The following FOXP2 variants were observed in gnomAD, a reference collection of about 807,000 sequenced individuals.
FOXP2 encodes the protein forkhead box protein P2.
FOXP2 carries 12 observed loss-of-function variants against 115.8 expected under a neutral mutation model. That is an observed-to-expected ratio of 0.10 (90% CI 0.07 to 0.17). FOXP2 has a LOEUF of 0.17. FOXP2 is among the 10% of genes least tolerant of loss of function. The probability of loss-of-function intolerance (pLI) is 1.00; values close to 1 mark genes in which losing one functional copy is unlikely to be tolerated. For missense variants in FOXP2, 629 were observed against 843.5 expected, an observed-to-expected ratio of 0.75 and a Z score of 3.15; for synonymous variants, 328 against 297.7, an observed-to-expected ratio of 1.10 and a Z score of -1.05.
chr7:114,130,875 A>G (rs916100505), intron 1 of FOXP2, among the ~76,000 whole-genome samples: 7 of 152,200 alleles, frequency 4.6e-5, no homozygotes, highest in African/African-American at 1.4e-4. Flanking sequence ...ATGCCAGATC[A>G]TTATAAGCTT....
chr7:114,337,456 AT>A (rs1198460302), intron 2 of FOXP2, among the ~76,000 whole-genome samples: 23 of 151,202 alleles, frequency 1.5e-4, no homozygotes, highest in Non-Finnish European at 2.1e-4. Context: ...AAAATTTTGG[AT>A]TTTTATGCTG....
intron 1 of FOXP2, among the ~76,000 whole-genome samples, chr7:114,205,855 A>C (rs565694551): frequency 6.6e-6 from 1 of 152,160 alleles, no homozygotes. Flanking sequence ...TCTCTCTTCA[A>C]CTTAGTAGCT....
At chr7:114,223,323 T>G (rs1022528798) in intron 1 of FOXP2, among the ~76,000 whole-genome samples, 1 of 151,880 alleles carries the variant, frequency 6.6e-6, no homozygotes, top group Non-Finnish European at 1.5e-5. Flanking sequence ...CTCACAATGG[T>G]CTTAAGTTGC....
intron 1 of FOXP2, among the ~76,000 whole-genome samples, chr7:114,176,334 C>CTT (rs1793309084): frequency 7.7e-6 from 1 of 129,762 alleles, no homozygotes; most frequent in African/African-American, 2.9e-5. Flanking sequence ...CTTTTTCTTT[C>CTT]TTTCTCTCTC....
At chr7:114,417,438 G>T (rs1793399336) in intron 1 of FOXP2, among the ~76,000 whole-genome samples, 1 of 151,856 alleles carries the variant, frequency 6.6e-6, no homozygotes, top group Admixed American at 6.6e-5. Flanking sequence ...TTCATTAGCA[G>T]AATTGGGTAT....
At chr7:114,505,745 G>C (rs1238686793) in intron 2 of FOXP2, among the ~76,000 whole-genome samples, 1 of 151,464 alleles carries the variant, frequency 6.6e-6, no homozygotes, top group Non-Finnish European at 1.5e-5. Flanking sequence ...TAGGGTTTTT[G>C]TGTGTTCAGA....
At chr7:114,142,978 C>T (rs1454426222) in intron 1 of FOXP2, among the ~76,000 whole-genome samples, 1 of 151,726 alleles carries the variant, frequency 6.6e-6, no homozygotes, top group African/African-American at 2.4e-5. Flanking sequence ...CGAAACCTGT[C>T]TCTACAGAAG....
intron 1 of FOXP2, among the ~76,000 whole-genome samples, chr7:114,269,037 T>A (rs1002900311): frequency 1.1e-4 from 16 of 152,176 alleles, no homozygotes; most frequent in African/African-American, 3.9e-4. Context: ...ATAAAGACAT[T>A]TTCTTTGTTT....
intron 1 of FOXP2, among the ~76,000 whole-genome samples, chr7:114,245,161 G>A (rs1795249931): frequency 6.6e-6 from 1 of 151,638 alleles, no homozygotes; most frequent in African/African-American, 2.4e-5. Context: ...TACCCTCTTG[G>A]TCCAGTTTAA....
intron 16 of FOXP2, 123 bp downstream of exon 16, chr7:114,664,559 A>G: frequency 8.7e-7 from 1 of 1,150,634 alleles, no homozygotes; most frequent in Non-Finnish European, 1.2e-6. Context: ...GTGGAGTTAA[A>G]TTATACCACG....
chr7:114,239,088 G>A (rs1795087002), intron 1 of FOXP2, among the ~76,000 whole-genome samples: 1 of 151,666 alleles, frequency 6.6e-6, no homozygotes, highest in South Asian at 2.1e-4. Context: ...CAAAAATTTA[G>A]TATTTAATAA....
At chr7:114,542,660 A>C (rs1385045404) in intron 3 of FOXP2, among the ~76,000 whole-genome samples, 1 of 152,170 alleles carries the variant, frequency 6.6e-6, no homozygotes, top group Non-Finnish European at 1.5e-5. Flanking sequence ...GTTGTATTAA[A>C]TGGTCAGTTC....
At chr7:114,598,857 TA>T (rs1451405943) in intron 3 of FOXP2, among the ~76,000 whole-genome samples, 1 of 152,146 alleles carries the variant, frequency 6.6e-6, no homozygotes, top group Admixed American at 6.6e-5. Context: ...ATTCAGATTG[TA>T]AAATAGAACA....
At chr7:114,165,864 A>T (rs1051161032) in intron 1 of FOXP2, among the ~76,000 whole-genome samples, 4 of 152,234 alleles carry the variant, frequency 2.6e-5, no homozygotes, top group Non-Finnish European at 4.4e-5. Flanking sequence ...CAACTTTAAG[A>T]CTTAGTATAA....
At chr7:114,532,931 T>C (rs1337941063) in intron 2 of FOXP2, among the ~76,000 whole-genome samples, 1 of 151,986 alleles carries the variant, frequency 6.6e-6, no homozygotes, top group Non-Finnish European at 1.5e-5. Flanking sequence ...AGAGGAAAGA[T>C]ATATTATTTA....
intron 1 of FOXP2, among the ~76,000 whole-genome samples, chr7:114,421,247 A>C (rs960793503): frequency 6.6e-6 from 1 of 151,498 alleles, no homozygotes; most frequent in Non-Finnish European, 1.5e-5. Flanking sequence ...TTCCATTTTA[A>C]ACTTATTTTA....
At chr7:114,594,489 T>G (rs983713354) in intron 3 of FOXP2, among the ~76,000 whole-genome samples, 2 of 152,088 alleles carry the variant, frequency 1.3e-5, no homozygotes, top group Non-Finnish European at 2.9e-5. Flanking sequence ...GGAAGTATAC[T>G]GACTGTGTGG....
chr7:114,546,104 A>C (rs1352072572), intron 3 of FOXP2, among the ~76,000 whole-genome samples: 1 of 152,188 alleles, frequency 6.6e-6, no homozygotes, highest in Non-Finnish European at 1.5e-5. Context: ...ATATAACTCT[A>C]TCAAGCCCCT....
chr7:114,344,177 A>C (rs951478059), intron 2 of FOXP2, among the ~76,000 whole-genome samples: 4 of 151,762 alleles, frequency 2.6e-5, no homozygotes, highest in Non-Finnish European at 5.9e-5. Context: ...ATTACACAAG[A>C]TACGTGCATT....
Sources: gnomAD v4.1 joint callset for allele counts (sites outside exome capture counted in the v4.1 genomes callset) on GRCh38, gnomAD v4.1.1 for gene constraint, MANE v1.5 for transcripts, NCBI Gene and HGNC (gene_info 2026-07-23, HGNC 2026-07-21) for gene names.